GMDS: variants seen among roughly 807,000 people sequenced by gnomAD.
The protein encoded by GMDS is GDP-mannose 4,6-dehydratase, also known as GDP-mannose 4,6 dehydratase.
Under a neutral mutation model 49.9 loss-of-function variants are expected in GMDS, and 20 were observed. That is an observed-to-expected ratio of 0.40 (90% CI 0.28 to 0.58). GMDS has a LOEUF of 0.58. Ranked by LOEUF, GMDS falls within the 20% of genes least tolerant of loss-of-function variation. The probability of loss-of-function intolerance (pLI) is 0.42; values close to 1 mark genes in which losing one functional copy is unlikely to be tolerated. For missense variants in GMDS, 362 were observed against 481.4 expected, an observed-to-expected ratio of 0.75 and a Z score of 2.32; for synonymous variants, 177 against 178.6, an observed-to-expected ratio of 0.99 and a Z score of 0.07.
chr6:1,861,425 G>C (rs750291882), intron 7 of GMDS, among the ~76,000 whole-genome samples: 1 of 152,142 alleles, frequency 6.6e-6, no homozygotes, highest in Non-Finnish European at 1.5e-5. Flanking sequence ...GGGATGGTGA[G>C]GGGTTTAATT....
chr6:1,924,538 C>T (rs1761895136), intron 7 of GMDS, among the ~76,000 whole-genome samples: 1 of 152,210 alleles, frequency 6.6e-6, no homozygotes, highest in Admixed American at 6.5e-5. Context: ...CAGCTCCTAC[C>T]ATTTAGCTTA....
chr6:1,907,932 A>G (rs572489105), intron 7 of GMDS, among the ~76,000 whole-genome samples: 1 of 152,354 alleles, frequency 6.6e-6, no homozygotes, highest in Admixed American at 6.5e-5. Context: ...TTTCCCATGC[A>G]TACATATCCA....
At chr6:2,128,664 T>G (rs926276354) in intron 1 of GMDS, among the ~76,000 whole-genome samples, 1 of 152,162 alleles carries the variant, frequency 6.6e-6, no homozygotes. Context: ...CACCAAAACA[T>G]GTCAAAACCC....
intron 4 of GMDS, among the ~76,000 whole-genome samples, chr6:1,976,188 G>A (rs111727193): frequency 7.5e-6 from 1 of 132,524 alleles, no homozygotes; most frequent in East Asian, 2.2e-4. Context: ...CCTGAATGAG[G>A]GTATACTCTT....
intron 7 of GMDS, among the ~76,000 whole-genome samples, chr6:1,915,984 A>T (rs140355492): frequency 6.6e-6 from 1 of 152,324 alleles, no homozygotes; most frequent in African/African-American, 2.4e-5. Flanking sequence ...GGAGGTGGCA[A>T]CACCTTCACC....
At chr6:2,178,794 T>C (rs935957175) in intron 1 of GMDS, among the ~76,000 whole-genome samples, 5 of 152,202 alleles carry the variant, frequency 3.3e-5, no homozygotes, top group Non-Finnish European at 7.3e-5. Flanking sequence ...TTAATTCCCC[T>C]TTTTCAATGT....
intron 1 of GMDS, among the ~76,000 whole-genome samples, chr6:2,164,323 G>A (rs1777554027): frequency 6.6e-6 from 1 of 152,128 alleles, no homozygotes; most frequent in Non-Finnish European, 1.5e-5. Context: ...GGAGTGTAGT[G>A]TACCTTCTCA....
At chr6:1,862,256 T>C (rs1241824765) in intron 7 of GMDS, among the ~76,000 whole-genome samples, 1 of 152,214 alleles carries the variant, frequency 6.6e-6, no homozygotes, top group Non-Finnish European at 1.5e-5. Flanking sequence ...CAGTGGGTGA[T>C]CCATCAGTAT....
chr6:1,975,802 T>TA (rs1764866660), intron 4 of GMDS, among the ~76,000 whole-genome samples: 2 of 152,164 alleles, frequency 1.3e-5, no homozygotes, highest in African/African-American at 4.8e-5. Context: ...GAGTACTGAA[T>TA]ATCCTCAGTT....
intron 9 of GMDS, among the ~76,000 whole-genome samples, chr6:1,685,574 A>G (rs944111674): frequency 1.3e-5 from 2 of 152,138 alleles, no homozygotes; most frequent in African/African-American, 4.8e-5. Flanking sequence ...TCATGCCAAC[A>G]ATGACTATGC....
At chr6:2,156,884 A>G (rs546016693) in intron 1 of GMDS, among the ~76,000 whole-genome samples, 53 of 152,316 alleles carry the variant, frequency 3.5e-4, no homozygotes, top group African/African-American at 1.1e-3. Context: ...TCAGGATTTT[A>G]AGAAAGCCAA....
intron 6 of GMDS, among the ~76,000 whole-genome samples, chr6:1,944,767 G>T (rs549280637): frequency 6.6e-6 from 1 of 151,112 alleles, no homozygotes; most frequent in Admixed American, 6.6e-5. Context: ...GCAAAGTAAC[G>T]AAATCTTCAA....
intron 1 of GMDS, among the ~76,000 whole-genome samples, chr6:2,133,231 G>A (rs1327060981): frequency 6.6e-6 from 1 of 152,154 alleles, no homozygotes; most frequent in Non-Finnish European, 1.5e-5. Flanking sequence ...AGTAAAAAGA[G>A]AAGAATTATG....
intron 9 of GMDS, chr6:1,626,039 G>C (rs1462557821): frequency 1.3e-5 from 2 of 152,246 alleles, no homozygotes; most frequent in Non-Finnish European, 2.9e-5. Context: ...AAACTTGGCA[G>C]GTGGGGAATT....
At chr6:1,665,243 C>A (rs1386851905) in intron 9 of GMDS, among the ~76,000 whole-genome samples, 1 of 152,162 alleles carries the variant, frequency 6.6e-6, no homozygotes, top group African/African-American at 2.4e-5. Context: ...TGCTATCTCT[C>A]CCCCCTCCTG....
chr6:2,172,528 T>G (rs530524524), intron 1 of GMDS, among the ~76,000 whole-genome samples: 3 of 151,986 alleles, frequency 2.0e-5, no homozygotes, highest in Non-Finnish European at 4.4e-5. Context: ...CCATCTCTAC[T>G]AAAAATACCA....
At chr6:1,816,332 A>G (rs1770671243) in intron 7 of GMDS, among the ~76,000 whole-genome samples, 1 of 152,210 alleles carries the variant, frequency 6.6e-6, no homozygotes, top group Non-Finnish European at 1.5e-5. Flanking sequence ...ACTGCCAGAT[A>G]AGGAAATGGA....
chr6:1,657,416 C>G (rs1213984740), intron 9 of GMDS, among the ~76,000 whole-genome samples: 3 of 152,182 alleles, frequency 2.0e-5, no homozygotes, highest in African/African-American at 7.2e-5. Context: ...CTCAGTATGA[C>G]AGCAACATGG....
At chr6:1,996,665 C>A (rs1341530859) in intron 4 of GMDS, among the ~76,000 whole-genome samples, 1 of 152,132 alleles carries the variant, frequency 6.6e-6, no homozygotes, top group Non-Finnish European at 1.5e-5. Flanking sequence ...CATGCACCTT[C>A]CCATCAAGAG....
Sources: gnomAD v4.1 joint callset for allele counts (sites outside exome capture counted in the v4.1 genomes callset) on GRCh38, gnomAD v4.1.1 for gene constraint, MANE v1.5 for transcripts, NCBI Gene and HGNC (gene_info 2026-07-23, HGNC 2026-07-21) for gene names.